Variants in CLVS1 observed in about 807,000 individuals in gnomAD.
CLVS1 encodes the protein clavesin 1.
In CLVS1, 10 loss-of-function variants were observed where a neutral mutation model predicts 33.1. That is an observed-to-expected ratio of 0.30 (90% confidence interval 0.19 to 0.51). The LOEUF (loss-of-function observed/expected upper bound fraction) is 0.51. CLVS1 is among the 20% of genes least tolerant of loss of function. The pLI is 0.97. For missense variants in CLVS1, 343 were observed against 433.4 expected (o/e 0.79, Z 1.85); for synonymous variants, 163 against 166.1 (o/e 0.98, Z 0.14).
chr8:61,408,802 C>G (rs1815098138), intron 3 of CLVS1, among the ~76,000 whole-genome samples: 1 of 152,156 alleles, frequency 6.6e-6, no homozygotes, highest in Non-Finnish European at 1.5e-5. Flanking sequence ...TGTTGATATA[C>G]TTGAGTGTTA....
intron 2 of CLVS1, among the ~76,000 whole-genome samples, chr8:61,217,919 C>A (rs1250189357): frequency 4.6e-5 from 7 of 152,114 alleles, no homozygotes; most frequent in Non-Finnish European, 1.0e-4. Flanking sequence ...CATAATTAAT[C>A]ATCAGGGAAA....
chr8:61,282,478 A>G (rs1422755296), intron 2 of CLVS1, among the ~76,000 whole-genome samples: 2 of 152,204 alleles, frequency 1.3e-5, no homozygotes, highest in Non-Finnish European at 2.9e-5. Flanking sequence ...GGATGCAGAT[A>G]ATATAGCAGA....
At chr8:61,098,365 C>A (rs1447529263) in intron 1 of CLVS1, among the ~76,000 whole-genome samples, 2 of 149,162 alleles carry the variant, frequency 1.3e-5, no homozygotes, top group Non-Finnish European at 1.5e-5. Flanking sequence ...TTTAGGGGAA[C>A]CATGAAATCA....
chr8:61,081,666 T>C (rs1805022016), intron 1 of CLVS1, among the ~76,000 whole-genome samples: 1 of 152,194 alleles, frequency 6.6e-6, no homozygotes, highest in Admixed American at 6.5e-5. Flanking sequence ...GTCTGGTGTA[T>C]AAGAAAATTA....
intron 3 of CLVS1, among the ~76,000 whole-genome samples, chr8:61,423,887 G>A (rs568841384): frequency 1.3e-5 from 2 of 152,132 alleles, no homozygotes; most frequent in Non-Finnish European, 2.9e-5. Context: ...GCAAATATGA[G>A]AATAATATTT....
At chr8:61,324,894 T>C (rs548196893) in intron 2 of CLVS1, among the ~76,000 whole-genome samples, 5 of 152,074 alleles carry the variant, frequency 3.3e-5, no homozygotes, top group Admixed American at 6.6e-5. Context: ...TGGACTAAAA[T>C]GTCAAGCCAT....
At chr8:61,472,795 C>T (rs1817776501) in intron 5 of CLVS1, among the ~76,000 whole-genome samples, 1 of 151,994 alleles carries the variant, frequency 6.6e-6, no homozygotes, top group African/African-American at 2.4e-5. Context: ...TGAGTAGCTA[C>T]CTCTCTGTGG....
intron 3 of CLVS1, among the ~76,000 whole-genome samples, chr8:61,453,724 G>GGAGA (rs1271697837): frequency 6.6e-6 from 1 of 152,148 alleles, no homozygotes; most frequent in Admixed American, 6.5e-5. Context: ...TTAAGCCGGT[G>GGAGA]GAGAGGGTGG....
At chr8:61,045,110 G>A in the CLVS1 span, among the ~76,000 whole-genome samples, 5 of 152,202 alleles carry the variant, frequency 3.3e-5, no homozygotes, top group African/African-American at 1.2e-4. Flanking sequence ...CCAGCAGCAA[G>A]AACTTCCTCT....
intron 3 of CLVS1, among the ~76,000 whole-genome samples, chr8:61,381,675 T>G (rs1055568928): frequency 1.3e-5 from 2 of 152,196 alleles, no homozygotes; most frequent in African/African-American, 4.8e-5. Context: ...TACTTATAAG[T>G]GAGAATGTGA....
intron 2 of CLVS1, among the ~76,000 whole-genome samples, chr8:61,142,691 G>A (rs1806329478): frequency 6.6e-6 from 1 of 152,162 alleles, no homozygotes; most frequent in Non-Finnish European, 1.5e-5. Flanking sequence ...GAGCAAAACA[G>A]GCTTCTCATG....
intron 1 of CLVS1, among the ~76,000 whole-genome samples, chr8:61,116,852 G>A (rs1218897947): frequency 4.3e-5 from 6 of 140,376 alleles, no homozygotes; most frequent in East Asian, 2.1e-4. Context: ...TTGGCGATGC[G>A]GGCTCTTTTT....
At chr8:61,440,912 G>A (rs1440108473) in intron 3 of CLVS1, among the ~76,000 whole-genome samples, 4 of 152,112 alleles carry the variant, frequency 2.6e-5, no homozygotes, top group African/African-American at 9.7e-5. Context: ...TCTAATGAGT[G>A]CATTCTCTTC....
intron 2 of CLVS1, among the ~76,000 whole-genome samples, chr8:61,368,405 A>G (rs924192617): frequency 1.3e-5 from 2 of 152,198 alleles, no homozygotes; most frequent in African/African-American, 4.8e-5. Context: ...GCTGTACTTG[A>G]GAGAATATTG....
At chr8:61,045,604 A>G in the CLVS1 span, among the ~76,000 whole-genome samples, 5 of 152,224 alleles carry the variant, frequency 3.3e-5, no homozygotes, top group South Asian at 2.1e-4. Context: ...AACTTTTAGA[A>G]CTAATGCCAT....
intron 2 of CLVS1, among the ~76,000 whole-genome samples, chr8:61,196,822 G>C (rs779499157): frequency 1.3e-5 from 2 of 152,220 alleles, no homozygotes; most frequent in Non-Finnish European, 2.9e-5. Context: ...CATCTAACTA[G>C]AGAACATGTT....
intron 5 of CLVS1, among the ~76,000 whole-genome samples, chr8:61,491,527 A>G (rs993296119): frequency 6.6e-6 from 1 of 152,226 alleles, no homozygotes; most frequent in African/African-American, 2.4e-5. Flanking sequence ...CTTTTTAAAT[A>G]AGAAATGCAT....
intron 1 of CLVS1, among the ~76,000 whole-genome samples, chr8:61,067,966 A>C (rs566180304): frequency 1.1e-4 from 16 of 149,552 alleles, no homozygotes; most frequent in African/African-American, 3.8e-4. Flanking sequence ...GTACCCCCTA[A>C]ATCTAAAACG....
intron 5 of CLVS1, among the ~76,000 whole-genome samples, chr8:61,476,066 T>C (rs1251915814): frequency 6.6e-6 from 1 of 152,232 alleles, no homozygotes; most frequent in Non-Finnish European, 1.5e-5. Flanking sequence ...CTTTTCCCCA[T>C]TGCTTGTTTT....
Sources: allele counts gnomAD v4.1 joint callset (sites outside exome capture counted in the v4.1 genomes callset), GRCh38; gene constraint gnomAD v4.1.1; transcripts MANE v1.5; gene names NCBI Gene and HGNC (gene_info 2026-07-23, HGNC 2026-07-21).